MYO19: variants seen among roughly 807,000 people sequenced by gnomAD.
MYO19 encodes the protein myosin XIX, also known as unconventional myosin-XIX.
Under a neutral mutation model 129.2 loss-of-function variants are expected in MYO19, and 132 were observed. The ratio of observed to expected loss-of-function variants is 1.02; its 90% CI spans 0.89 to 1.18. MYO19 has a LOEUF of 1.18. MYO19 is among the 50% of genes most tolerant of loss of function. The pLI is 0.00. For synonymous variants in MYO19, 531 were observed against 477.2 expected, an observed-to-expected ratio of 1.11 and a Z score of -1.47; for missense variants, 1,210 against 1,216.7, an observed-to-expected ratio of 0.99 and a Z score of 0.08.
Position 36,513,133 on chromosome 17 carries a change from AGCAC to A in MYO19, c.894+292_894+295del, listed in dbSNP as rs2072481802. The A allele has an allele frequency of 5.8e-6, 8 of 1,381,228 alleles. No homozygotes were observed. In the Admixed American group the frequency reaches 2.6e-4, roughly 44 times the overall value. The allele number at this position is 1,381,228 out of a possible 1,614,324, so 85.6% of individuals were successfully genotyped here. ...TAATGTACTAGACAAGCAAGGCGGT[AGCAC>A]TAGTTCTCTCTTCTGATCATGCGGT... On this transcript the variant is annotated intron_variant, in intron 11 of 25. Transcript: ENST00000614623.
chr17:36,521,207 C>T lies in MYO19; in HGVS notation c.414+4021G>A, dbSNP rs142197780. Among the ~76,000 whole-genome samples, 183 of 152,198 alleles carry T rather than the reference C, an allele frequency of 1.2e-3. 1 individual carries two copies. The highest frequency in any genetic ancestry group is 4.3e-3 in the African/African-American group (178 of 41,500). On this transcript the variant is annotated intron_variant, in intron 6 of 25. Transcript: ENST00000614623. ...GTTTAAAAAGCTACTTACAGTGAGG[C>T]CCCATTGGTTGACAATCTTGTACGT...
In MYO19 at chr17:36,507,124, G is replaced by C; in HGVS notation, c.1483C>G (p.Arg495Gly). The C allele has an allele frequency of 1.9e-6, 3 of 1,602,548 alleles. No individual in the cohort carries two copies. The highest frequency in any genetic ancestry group is 2.6e-6 in the Non-Finnish European group (3 of 1,171,192). Residue 495 changes from arginine (R) to glycine (G), a missense_variant, in exon 17 of 26, where the codon CGA (arginine) becomes GGA (glycine). Arg to Gly is a moderately radical substitution (Grantham distance 125). Transcript: ENST00000614623. Reference sequence around the variant, plus strand: ...TGGAGCTGGGCTGCGCTGCTGGGTCGATTGAGGCGGCATTCCTGTGGGATG... The same window carrying C: ...TGGAGCTGGGCTGCGCTGCTGGGTCCATTGAGGCGGCATTCCTGTGGGATG... ...SLINEECRLN[R>G]PSSAAQLQTR...
At chr17:36,532,170 T>C (rs1026553919) in intron 3 of MYO19, among the ~76,000 whole-genome samples, 1 of 152,224 alleles carries the variant, frequency 6.6e-6, no homozygotes, top group Admixed American at 6.5e-5. Context: ...TTCTAGTTCT[T>C]TAAGGCTTAG....
intron 6 of MYO19, among the ~76,000 whole-genome samples, chr17:36,520,422 T>A (rs2073063457): frequency 6.6e-6 from 1 of 152,252 alleles, no homozygotes; most frequent in Admixed American, 6.5e-5. Context: ...AAAATATTAC[T>A]TTTGACCCAT....
chr17:36,513,042 A>C (rs1489870215), intron 11 of MYO19: 1 of 1,140,424 alleles, frequency 8.8e-7, no homozygotes, highest in South Asian at 1.9e-5. Flanking sequence ...AAGGGAAATA[A>C]ACACACACAG....
intron 12 of MYO19, 140 bp downstream of exon 12, chr17:36,511,224 GA>G: frequency 1.2e-6 from 1 of 867,742 alleles, no homozygotes; most frequent in Non-Finnish European, 1.8e-6. Context: ...AGGAGTAAAT[GA>G]TCCAGGGCCA....
At chr17:36,499,049 A>ACC in intron 24 of MYO19, 26 bp downstream of exon 24, 1 of 1,575,178 alleles carries the variant, frequency 6.3e-7, no homozygotes, top group Non-Finnish European at 8.7e-7. Flanking sequence ...TCCACTGCCC[A>ACC]CCCCGACTTC....
chr17:36,500,563 G>A (rs1024291405), intron 23 of MYO19: 9 of 451,184 alleles, frequency 2.0e-5, no homozygotes, highest in African/African-American at 1.5e-4. Context: ...CAGGGTCTGA[G>A]AAAGGAATTA....
intron 21 of MYO19, among the ~76,000 whole-genome samples, chr17:36,502,567 A>C (rs1030947779): frequency 3.9e-5 from 6 of 152,302 alleles, no homozygotes; most frequent in Middle Eastern, 3.4e-3. Context: ...TGGTGCCCCC[A>C]GAGTGGTCTC....
intron 19 of MYO19, 103 bp downstream of exon 19, chr17:36,505,194 C>T: frequency 9.4e-7 from 1 of 1,063,082 alleles, no homozygotes; most frequent in Non-Finnish European, 1.5e-6. Flanking sequence ...GGAGAGACCA[C>T]TTCTGTGCAC....
chr17:36,523,934 T>C (rs1387221272), intron 6 of MYO19, among the ~76,000 whole-genome samples: 1 of 152,232 alleles, frequency 6.6e-6, no homozygotes, highest in Non-Finnish European at 1.5e-5. Context: ...TGTTTTTCTT[T>C]ATAAGCCTTG....
At chr17:36,509,228 G>T (rs2072145926) in intron 13 of MYO19, 93 bp from the exon 14 acceptor site, 4 of 1,072,016 alleles carry the variant, frequency 3.7e-6, no homozygotes, top group Non-Finnish European at 2.8e-6. Context: ...CTACACCCTG[G>T]GGGGCCCTTG....
In MYO19 at chr17:36,532,655, G is replaced by T; in HGVS notation, c.-117C>A. On this transcript the variant is annotated 5_prime_UTR_variant, in exon 3 of 26. Coordinates refer to ENST00000614623, the MANE Select transcript of MYO19 (RefSeq NM_001163735.2). ...TTCCAACAAAGGGCTCAGTTCTGGA[G>T]GAATCTCAGACAAGTCACTCCAGCG... 1 of 1,267,734 alleles carries T rather than the reference G, an allele frequency of 7.9e-7. No homozygotes were observed. The highest frequency in any genetic ancestry group is 1.1e-6 in the Non-Finnish European group (1 of 891,028). 78.5% of individuals were successfully genotyped at this position (1,267,734 alleles called of 1,614,324 possible). A position where few individuals can be genotyped will look rare whatever the true frequency, so the allele number is the denominator to read the frequency against.
At chr17:36,514,191 A>G (rs1052131518) in intron 9 of MYO19, among the ~76,000 whole-genome samples, 4 of 152,142 alleles carry the variant, frequency 2.6e-5, no homozygotes, top group African/African-American at 9.7e-5. Flanking sequence ...CACCCTAGAG[A>G]TACAGTCCCA....
intron 16 of MYO19, 121 bp downstream of exon 16, chr17:36,507,278 T>C: frequency 7.1e-7 from 1 of 1,399,220 alleles, no homozygotes; most frequent in Non-Finnish European, 9.9e-7. Context: ...ATATAGCAAT[T>C]AGCAGATCTA....
upstream of MYO19, among the ~76,000 whole-genome samples, chr17:36,544,157 AG>A (rs2074220271): frequency 6.6e-6 from 1 of 152,264 alleles, no homozygotes; most frequent in Non-Finnish European, 1.5e-5. Context: ...ACTTCGCCCA[AG>A]GGAGTACCTG....
intron 18 of MYO19, among the ~76,000 whole-genome samples, chr17:36,506,115 G>A (rs1186280828): frequency 6.6e-6 from 1 of 152,156 alleles, no homozygotes; most frequent in Non-Finnish European, 1.5e-5. Flanking sequence ...AAGTGAGTGA[G>A]GGTAGGGTTA....
upstream of MYO19, among the ~76,000 whole-genome samples, chr17:36,539,908 C>A (rs559305361): frequency 2.7e-5 from 4 of 147,128 alleles, no homozygotes; most frequent in South Asian, 8.6e-4. Context: ...TTTTTTTGAG[C>A]TAGAGCTGAT....
At chr17:36,504,938 A>ATGAT in intron 19 of MYO19, 1 of 295,798 alleles carries the variant, frequency 3.4e-6, no homozygotes, top group African/African-American at 2.2e-5. Context: ...AAAGAAAAAA[A>ATGAT]TGATACCTCC....
Sources: gnomAD v4.1 joint callset for allele counts (sites outside exome capture counted in the v4.1 genomes callset) on GRCh38, gnomAD v4.1.1 for gene constraint, MANE v1.5 for transcripts, NCBI Gene and HGNC (gene_info 2026-07-23, HGNC 2026-07-21) for gene names.